Variants in PCDH11Y observed in about 807,000 individuals in gnomAD.
PCDH11Y encodes the protein protocadherin 11 Y-linked.
For synonymous variants in PCDH11Y, 9 were observed against 83.6 expected (o/e 0.11, Z 4.87); for missense variants, 12 against 224.8 (o/e 0.05, Z 6.05).
intron 2 of PCDH11Y, among the ~76,000 whole-genome samples, chrY:5,426,579 GA>G (rs2053263363): frequency 3.1e-5 from 1 of 32,521 alleles, no homozygotes; most frequent in Non-Finnish European, 7.6e-5. Context: ...TATGTAGTAT[GA>G]AAAAAATTTA....
chrY:5,281,906 G>C, intron 2 of PCDH11Y, among the ~76,000 whole-genome samples: 3 of 31,285 alleles, frequency 9.6e-5, no homozygotes, highest in Non-Finnish European at 1.5e-4. Flanking sequence ...ATATGGCCAC[G>C]AAGTGGAACA....
intron 2 of PCDH11Y, among the ~76,000 whole-genome samples, chrY:5,110,602 T>C: frequency 6.2e-5 from 2 of 32,337 alleles, no homozygotes; most frequent in Non-Finnish European, 1.5e-4. Flanking sequence ...AAAACAAATA[T>C]TGAACTCTAA....
At chrY:5,533,481 C>A in intron 3 of PCDH11Y, among the ~76,000 whole-genome samples, 1 of 33,454 alleles carries the variant, frequency 3.0e-5, no homozygotes, top group Non-Finnish European at 7.4e-5. Flanking sequence ...CTTTCTCTTA[C>A]TTTATTCCTG....
At chrY:5,353,002 CT>C (rs1394639685) in intron 2 of PCDH11Y, among the ~76,000 whole-genome samples, 8 of 26,074 alleles carry the variant, frequency 3.1e-4, no homozygotes, top group African/African-American at 8.8e-4. Context: ...CAGCATTAGC[CT>C]TTTTTTTTTT....
At chrY:5,235,661 C>T (rs2052974160) in intron 2 of PCDH11Y, among the ~76,000 whole-genome samples, 2 of 32,950 alleles carry the variant, frequency 6.1e-5, no homozygotes, top group Admixed American at 2.8e-4. Flanking sequence ...TTATTCAGTC[C>T]ACAGCCAATG....
chrY:5,500,746 T>G, intron 2 of PCDH11Y, among the ~76,000 whole-genome samples: 1 of 33,849 alleles, frequency 3.0e-5, no homozygotes, highest in Admixed American at 2.7e-4. Flanking sequence ...CATGTTAAAA[T>G]TATGGTTGGA....
intron 2 of PCDH11Y, among the ~76,000 whole-genome samples, chrY:5,468,583 G>A: frequency 6.4e-5 from 2 of 31,097 alleles, no homozygotes; most frequent in African/African-American, 1.3e-4. Context: ...AAAAATTCAC[G>A]TCTATTCTCA....
chrY:5,701,333 C>T (rs2053577638), intron 4 of PCDH11Y, among the ~76,000 whole-genome samples: 1 of 33,501 alleles, frequency 3.0e-5, no homozygotes, highest in Non-Finnish European at 7.4e-5. Flanking sequence ...GATCACAGAC[C>T]TAAAGGCCTA....
intron 2 of PCDH11Y, among the ~76,000 whole-genome samples, chrY:5,292,003 G>C: frequency 3.0e-5 from 1 of 33,196 alleles, no homozygotes; most frequent in African/African-American, 1.2e-4. Context: ...CATCAATTGA[G>C]ATAACCATAT....
intron 4 of PCDH11Y, among the ~76,000 whole-genome samples, chrY:5,656,886 C>A: frequency 3.1e-5 from 1 of 31,846 alleles, no homozygotes; most frequent in Non-Finnish European, 7.7e-5. Flanking sequence ...CAAAAAAAAA[C>A]CAGACATATA....
intron 3 of PCDH11Y, among the ~76,000 whole-genome samples, chrY:5,521,511 T>C: frequency 3.1e-5 from 1 of 32,775 alleles, no homozygotes; most frequent in African/African-American, 1.2e-4. Flanking sequence ...ATGAAAAAAA[T>C]TGTCTCATTG....
At chrY:5,243,456 C>G in intron 2 of PCDH11Y, among the ~76,000 whole-genome samples, 3 of 28,116 alleles carry the variant, frequency 1.1e-4, no homozygotes, top group Admixed American at 5.7e-4. Context: ...AACTATGAAT[C>G]CTGGGCACAT....
chrY:5,652,494 G>A (rs1602956370), intron 4 of PCDH11Y, among the ~76,000 whole-genome samples: 9 of 32,628 alleles, frequency 2.8e-4, no homozygotes, highest in African/African-American at 7.2e-4. Flanking sequence ...AACAGGTCCT[G>A]CTCTGGGAAG....
At chrY:5,218,391 G>A in intron 2 of PCDH11Y, among the ~76,000 whole-genome samples, 1 of 31,781 alleles carries the variant, frequency 3.1e-5, no homozygotes, top group Non-Finnish European at 7.7e-5. Context: ...CAGGAGTAAT[G>A]CTTCTTTCTG....
chrY:5,677,457 C>T, intron 4 of PCDH11Y, among the ~76,000 whole-genome samples: 1 of 31,957 alleles, frequency 3.1e-5, no homozygotes, highest in African/African-American at 1.2e-4. Flanking sequence ...TCCATCATAA[C>T]GCAGGTTGAG....
intron 4 of PCDH11Y, among the ~76,000 whole-genome samples, chrY:5,649,567 C>T: frequency 1.7e-4 from 5 of 29,187 alleles, no homozygotes; most frequent in African/African-American, 2.7e-4. Context: ...AGAGCATACA[C>T]CCCCACCAAA....
chrY:5,382,664 A>G (rs2124674503), intron 2 of PCDH11Y, among the ~76,000 whole-genome samples: 1 of 33,805 alleles, frequency 3.0e-5, no homozygotes, highest in East Asian at 7.7e-4. Context: ...GTATCCACTT[A>G]GAAGCTCAGT....
intron 3 of PCDH11Y, among the ~76,000 whole-genome samples, chrY:5,511,707 C>T: frequency 3.1e-5 from 1 of 32,737 alleles, no homozygotes; most frequent in Admixed American, 2.8e-4. Context: ...TGAAACTGAA[C>T]TTTCAGAGCT....
chrY:5,516,376 G>T, intron 3 of PCDH11Y, among the ~76,000 whole-genome samples: 1 of 33,248 alleles, frequency 3.0e-5, no homozygotes. Flanking sequence ...TACTGATAAT[G>T]GAGAACTTCC....
Sources: gnomAD v4.1 joint callset for allele counts (sites outside exome capture counted in the v4.1 genomes callset) on GRCh38, gnomAD v4.1.1 for gene constraint, MANE v1.5 for transcripts, NCBI Gene and HGNC (gene_info 2026-07-23, HGNC 2026-07-21) for gene names.